The following BRWD3 variants were observed in gnomAD, a reference collection of about 807,000 sequenced individuals.
The protein encoded by BRWD3 is bromodomain and WD repeat-containing protein 3.
In BRWD3, 10 loss-of-function variants were observed where a neutral mutation model predicts 149.7. The observed-to-expected ratio is 0.07, with a 90% CI of 0.04 to 0.11. The LOEUF (loss-of-function observed/expected upper bound fraction) is 0.11, where lower values mean the gene tolerates loss of function less well. BRWD3 is among the 10% of genes least tolerant of loss of function. The probability of loss-of-function intolerance (pLI) is 1.00; values close to 1 mark genes in which losing one functional copy is unlikely to be tolerated. For missense variants in BRWD3, 940 were observed against 1,373.2 expected (o/e 0.68, Z 4.99); for synonymous variants, 504 against 456.7 (o/e 1.10, Z -1.32).
rs1260726593 is a variant in BRWD3 at position 80,671,200 on chromosome X, C to A, written c.*5409G>T. 3 of 111,792 alleles carry A rather than the reference C, an allele frequency of 2.7e-5. No homozygotes were observed. Among genetic ancestry groups the A allele is most frequent in the Non-Finnish European group, 5.6e-5 (3 of 53,165 alleles). 9.2% of individuals were successfully genotyped at this position (111,792 alleles called of 1,213,427 possible). A position where few individuals can be genotyped will look rare whatever the true frequency, so the allele number is the denominator to read the frequency against. Reference sequence around the variant, plus strand: ...GATCTATTCATTTTGAAAAGCTCTGCAAAACAAAATGTTGACAAATGCTTT... The same window carrying A: ...GATCTATTCATTTTGAAAAGCTCTGAAAAACAAAATGTTGACAAATGCTTT... On this transcript the variant is annotated 3_prime_UTR_variant, in exon 41 of 41. Transcript: ENST00000373275.
intron 3 of BRWD3, 54 bp downstream of exon 3, chrX:80,808,959 C>G: frequency 8.6e-7 from 1 of 1,167,072 alleles, no homozygotes; most frequent in Non-Finnish European, 1.2e-6. Flanking sequence ...CTTGCCCTCC[C>G]CTTCCTCCAG....
chrX:80,722,446 T>C, intron 17 of BRWD3, 116 bp downstream of exon 17: 5 of 684,055 alleles, frequency 7.3e-6, no homozygotes, highest in Non-Finnish European at 1.1e-5. Context: ...TAACAGAAGA[T>C]GAAACATATT....
At chrX:80,802,095 C>T (rs2074303554) in intron 4 of BRWD3, among the ~76,000 whole-genome samples, 2 of 112,085 alleles carry the variant, frequency 1.8e-5, no homozygotes, top group Admixed American at 1.9e-4. Flanking sequence ...CTGACACTAA[C>T]ATTTTAAATA....
intron 27 of BRWD3, among the ~76,000 whole-genome samples, chrX:80,695,255 A>T (rs1477157646): frequency 9.0e-6 from 1 of 111,534 alleles, no homozygotes; most frequent in African/African-American, 3.3e-5. Flanking sequence ...CAATTAAATG[A>T]TTTTTTCTTT....
intron 20 of BRWD3, chrX:80,710,703 C>A: frequency 1.3e-6 from 1 of 788,626 alleles, no homozygotes; most frequent in Non-Finnish European, 1.9e-6. Context: ...ACCAATGGAA[C>A]ATTAAGTGAT....
chrX:80,712,628 A>T (rs2147734188), intron 20 of BRWD3, among the ~76,000 whole-genome samples: 1 of 108,166 alleles, frequency 9.2e-6, no homozygotes. Flanking sequence ...GGATGTGAGG[A>T]GCCCCTCTGC....
At chrX:80,684,241 T>C in intron 36 of BRWD3, 79 bp from the exon 37 acceptor site, 1 of 886,040 alleles carries the variant, frequency 1.1e-6, no homozygotes, top group Non-Finnish European at 1.6e-6. Context: ...TATCACCTAC[T>C]ACGATCCACC....
rs1602291809 is a variant in BRWD3, at chrX:80,674,363, A to G, written c.*2246T>C. 1 of 111,736 alleles carries G rather than the reference A, an allele frequency of 8.9e-6. No individual in the cohort carries two copies. The highest frequency in any genetic ancestry group is 2.8e-4 in the East Asian group (1 of 3,562). The allele number at this position is 111,736 out of a possible 1,213,427, so 9.2% of individuals were successfully genotyped here. On this transcript the variant is annotated 3_prime_UTR_variant, in exon 41 of 41. Transcript: ENST00000373275. ...AGCTCCAGATAGCCAAAATCACACAAATGTCAATTCTTCTACATTTCAAGA... is the reference window on the plus strand; with the variant it reads ...AGCTCCAGATAGCCAAAATCACACAGATGTCAATTCTTCTACATTTCAAGA...
In BRWD3 at chrX:80,682,058, A is replaced by G; in HGVS notation, c.4434T>C (p.Pro1478=). The part of the protein sequence containing the change: ...KGKQKQMKLQ[P]KNDQNTSVSH... Reference sequence around the variant, plus strand: ...ATACTGAGGTATTCTGGTCATTTTTAGGCTGCAACTTCATTTGTTTCTGCT... The same window carrying G: ...ATACTGAGGTATTCTGGTCATTTTTGGGCTGCAACTTCATTTGTTTCTGCT... The change falls in exon 39 of 41, where the codon CCT becomes CCC. Residue 1478 remains proline (P), a synonymous_variant. Transcript: ENST00000373275. 1 of 1,209,648 alleles carries G rather than the reference A, an allele frequency of 8.3e-7. No individual in the cohort carries two copies.
At chrX:80,715,212 TAAA>T (rs11390755) in intron 20 of BRWD3, among the ~76,000 whole-genome samples, 12 of 98,426 alleles carry the variant, frequency 1.2e-4, no homozygotes, top group Middle Eastern at 5.1e-3. Context: ...CAAAATCTCT[TAAA>T]AAAAAAAAAA....
At chrX:80,690,817 G>A (rs906893370) in intron 31 of BRWD3, among the ~76,000 whole-genome samples, 1 of 111,495 alleles carries the variant, frequency 9.0e-6, no homozygotes, top group Admixed American at 9.5e-5. Flanking sequence ...GTTAAATGTA[G>A]TTTTTGTTTT....
rs1362192471 is a variant in BRWD3 at position 80,703,612 on chromosome X, A to G, written c.2722-19T>C. 1.8e-6 allele frequency: 2 copies of G among 1,082,287 alleles called. No individual in the cohort carries two copies. The highest frequency in any genetic ancestry group is 2.5e-4 in the Middle Eastern group (1 of 4,023). 89.2% of individuals were successfully genotyped at this position (1,082,287 alleles called of 1,213,427 possible). ...CTCCTTTCTAAAACATAAATACACG[A>G]AAAGTATATGTATAAAACACAGTTC... On this transcript the variant is annotated intron_variant, in intron 23 of 40. Coordinates refer to ENST00000373275, the MANE Select transcript of BRWD3 (RefSeq NM_153252.5).
rs184940428 is a variant in BRWD3 at position 80,675,279 on chromosome X, A to T, written c.*1330T>A. The T allele has an allele frequency of 2.0e-4, 22 of 111,989 alleles. No individual in the cohort carries two copies. The East Asian group carries it at 5.9e-3, about 30-fold the overall frequency. 9.2% of individuals were successfully genotyped at this position (111,989 alleles called of 1,213,427 possible). ...TAAGGTTCTTTCCTGAAAGACTAGAACAGAAGAACCCTTTGGAATGATATG... is the reference window on the plus strand; with the variant it reads ...TAAGGTTCTTTCCTGAAAGACTAGATCAGAAGAACCCTTTGGAATGATATG... On this transcript the variant is annotated 3_prime_UTR_variant, in exon 41 of 41. Transcript: ENST00000373275.
intron 6 of BRWD3, among the ~76,000 whole-genome samples, chrX:80,774,530 T>G (rs2073980763): frequency 9.0e-6 from 1 of 111,101 alleles, no homozygotes; most frequent in Non-Finnish European, 1.9e-5. Flanking sequence ...CTGCCAATCT[T>G]TATCTGTAAC....
intron 1 of BRWD3, 62 bp downstream of exon 1, chrX:80,809,379 C>G: frequency 8.8e-7 from 1 of 1,139,064 alleles, no homozygotes; most frequent in Non-Finnish European, 1.2e-6. Flanking sequence ...AAGAAACTGA[C>G]AGCCTTCGCG....
intron 20 of BRWD3, among the ~76,000 whole-genome samples, chrX:80,712,708 G>A (rs1299226316): frequency 9.5e-6 from 1 of 105,344 alleles, no homozygotes; most frequent in East Asian, 3.0e-4. Context: ...AGTGAGGAGC[G>A]CCTCTTCCCG....
intron 6 of BRWD3, among the ~76,000 whole-genome samples, chrX:80,781,888 T>G (rs1000582345): frequency 8.9e-6 from 1 of 111,921 alleles, no homozygotes; most frequent in Non-Finnish European, 1.9e-5. Flanking sequence ...TATTCCATAT[T>G]CATGAATTAT....
At chrX:80,765,892 G>T in intron 6 of BRWD3, among the ~76,000 whole-genome samples, 1 of 111,290 alleles carries the variant, frequency 9.0e-6, no homozygotes, top group Non-Finnish European at 1.9e-5. Flanking sequence ...ATCTTTATTT[G>T]GAGGATTATT....
At position 80,676,689 on chromosome X, in the gene BRWD3, G is replaced by T; in HGVS notation, c.5329C>A (p.Leu1777Ile). ...ACTCTGCCTGATCTGGATGTACCAA[G>T]ATTCAGAGGATCCTCAGTGGACACA... The part of the protein sequence containing the change: ...NFVSTEDPLN[L>I]GTSRSGRVRK... Residue 1777 changes from leucine to isoleucine, a missense_variant, in exon 41 of 41, where the codon CTT (leucine) becomes ATT (isoleucine). Physicochemically the swap from Leu to Ile is conservative, Grantham distance 5. Transcript: ENST00000373275. 2 of 1,210,703 alleles carry T rather than the reference G, an allele frequency of 1.7e-6. No individual in the cohort carries two copies. The highest frequency in any genetic ancestry group is 2.2e-6 in the Non-Finnish European group (2 of 894,879).
Sources: gnomAD v4.1 joint callset for allele counts (sites outside exome capture counted in the v4.1 genomes callset) on GRCh38, gnomAD v4.1.1 for gene constraint, MANE v1.5 for transcripts, NCBI Gene and HGNC (gene_info 2026-07-23, HGNC 2026-07-21) for gene names.